CLCN2: variants seen among roughly 807,000 people sequenced by gnomAD.
The protein encoded by CLCN2 is chloride voltage-gated channel 2.
CLCN2 carries 72 observed loss-of-function variants against 108.3 expected under a neutral mutation model. The observed-to-expected ratio is 0.66, with a 90% CI of 0.55 to 0.81. The LOEUF is 0.81. CLCN2 is among the 30% of genes least tolerant of loss of function. The pLI, the probability that CLCN2 is intolerant of heterozygous loss-of-function variation, is 0.00. For missense variants in CLCN2, 1,048 were observed against 1,205.2 expected (o/e 0.87, Z 1.93); for synonymous variants, 471 against 467.1 (o/e 1.01, Z -0.11).
At position 184,358,239 on chromosome 3, in the gene CLCN2, C is replaced by T; in HGVS notation, c.424G>A (p.Val142Ile). 1.2e-6 allele frequency: 2 copies of T among 1,614,172 alleles called. No individual in the cohort carries two copies. Among genetic ancestry groups the T allele is most frequent in the Non-Finnish European group, 1.7e-6 (2 of 1,180,038 alleles). Residue 142 changes from valine to isoleucine, a missense_variant, in exon 4 of 24, where the codon GTT (valine) becomes ATT (isoleucine). Transcript: ENST00000265593. ...CCGGCTGAGAAAGTGATGAGGACAACAGGGTAGGTGACCCAGGCCAGGTAC... is the reference window on the plus strand; with the variant it reads ...CCGGCTGAGAAAGTGATGAGGACAATAGGGTAGGTGACCCAGGCCAGGTAC... ...LQYLAWVTYPVVLITFSAGFT... is the reference protein window; with the variant it reads ...LQYLAWVTYPIVLITFSAGFT...
At position 184,357,145 on chromosome 3, in the gene CLCN2, C is replaced by T. The variant is rs758438371; in HGVS notation, c.983+37G>A. On this transcript the variant is annotated intron_variant, in intron 9 of 23. Coordinates refer to ENST00000265593, the MANE Select transcript of CLCN2 (RefSeq NM_004366.6). ...GAAAAGGAGCCTTCTAGAAACCCCC[C>T]TCCTCTCTGATACCCCCAGCCCCCT... The T allele has an allele frequency of 5.6e-6, 9 of 1,610,760 alleles. No homozygotes were observed. The Admixed American group carries it at 8.4e-5, about 15-fold the overall frequency.
In CLCN2 at chr3:184,346,353, G is replaced by A. The variant is rs188995088; in HGVS notation, c.*253C>T. The stretch of plus-strand genomic sequence containing the variant: ...CTTTCCCCTCAAAGGGGGAGCAGGG[G>A]TCAAGTGACCCCAACCCATCCTGCC... On this transcript the variant is annotated 3_prime_UTR_variant, in exon 24 of 24. Transcript: ENST00000265593. This position sits in a 1 kb window ranked among gnomAD's most constrained non-coding sequence, Gnocchi z 6.0. 2.0e-4 allele frequency: 114 copies of A among 568,752 alleles called. No individual in the cohort carries two copies. Among genetic ancestry groups the A allele is most frequent in the Admixed American group, 3.0e-4 (10 of 33,410 alleles). 35.2% of individuals were successfully genotyped at this position (568,752 alleles called of 1,614,324 possible).
rs772906548 is a variant in CLCN2 at position 184,354,984 on chromosome 3, G to A, written c.1327-11C>T. ...TGCAGACATCCAGAACTGCAGGCAG[G>A]GGGTGGTTCAAAGGCGAAGAGGCTC... On this transcript the variant is annotated splice_polypyrimidine_tract_variant and intron_variant, in intron 12 of 23. Transcript: ENST00000265593. 4 of 1,613,784 alleles carry A rather than the reference G, an allele frequency of 2.5e-6. No homozygotes were observed. In the Admixed American group the frequency reaches 5.0e-5, roughly 20 times the overall value.
At chr3:184,354,027 G>T in intron 15 of CLCN2, 74 bp downstream of exon 15, 1 of 1,501,094 alleles carries the variant, frequency 6.7e-7, no homozygotes, top group Non-Finnish European at 9.2e-7. Flanking sequence ...GACCTTGCTA[G>T]AGGTGGCTGT....
chr3:184,349,240 A>G (rs1040655521), intron 22 of CLCN2: 5 of 152,116 alleles, frequency 3.3e-5, no homozygotes, highest in African/African-American at 1.2e-4. Flanking sequence ...CCTGGCCAAC[A>G]TGGTAAAACC....
chr3:184,348,848 C>A (rs1727889767), intron 22 of CLCN2: 1 of 152,218 alleles, frequency 6.6e-6, no homozygotes, highest in Admixed American at 6.5e-5. Flanking sequence ...CTTACCAATT[C>A]ACTTCCTAAA....
At chr3:184,351,338 C>G (rs73189617) in intron 22 of CLCN2, among the ~76,000 whole-genome samples, 30,426 of 152,198 alleles carry the variant, frequency 0.2, 3,945 homozygotes, top group Middle Eastern at 0.37. Flanking sequence ...GGCTGCCCCC[C>G]TTAGGAGTCC....
At chr3:184,350,728 C>T (rs960502623) in intron 22 of CLCN2, among the ~76,000 whole-genome samples, 6 of 152,134 alleles carry the variant, frequency 3.9e-5, no homozygotes, top group African/African-American at 7.2e-5. Context: ...TAAGCCACTG[C>T]GCCAGTTCTG....
rs150309424 is a variant in CLCN2 at position 184,357,370 on chromosome 3, C to T, written c.890G>A (p.Arg297Gln). The change falls in exon 8 of 24, where the codon CGG becomes CAG. Residue 297 changes from arginine to glutamine, a missense_variant. Physicochemically the swap from Arg to Gln is conservative, Grantham distance 43. Transcript: ENST00000265593. ...CCCCTGGGTGCCCCCACCTTCATCC[C>T]GGTTCCAGACTGCCAAGACCCGGAA... ...FIFRVLAVWN[R>Q]DEETITALFK... 1.1e-4 allele frequency: 185 copies of T among 1,613,964 alleles called. No homozygotes were observed. The highest frequency in any genetic ancestry group is 1.4e-4 in the Non-Finnish European group (171 of 1,180,028).
At chr3:184,356,612 C>G (rs896021290) in intron 10 of CLCN2, 1 of 226,422 alleles carries the variant, frequency 4.4e-6, no homozygotes, top group African/African-American at 2.4e-5. Context: ...GCACTCCAGC[C>G]TGGACAACAA....
intron 22 of CLCN2, among the ~76,000 whole-genome samples, chr3:184,349,816 G>C (rs1328842369): frequency 2.0e-5 from 3 of 152,166 alleles, no homozygotes; most frequent in Non-Finnish European, 2.9e-5. Flanking sequence ...GCAGAGTAAG[G>C]ATTTGGGTTC....
At chr3:184,356,381 C>T (rs1300933395) in intron 10 of CLCN2, 1 of 165,132 alleles carries the variant, frequency 6.1e-6, no homozygotes, top group Admixed American at 5.6e-5. Context: ...CAGTGGCTCA[C>T]GCCTGTAATC....
Position 184,354,552 on chromosome 3 carries a change from C to A in CLCN2, c.1503G>T (p.Val501=). Residue 501 remains valine, a synonymous_variant, in exon 14 of 24, where the codon GTG becomes GTT. Coordinates refer to ENST00000265593, the MANE Select transcript of CLCN2 (RefSeq NM_004366.6). ...GATGGGACCTGAGGCACTCACCGACCACAGCGTAGCCCCCAGGCACAATCC... is the reference window on the plus strand; with the variant it reads ...GATGGGACCTGAGGCACTCACCGACAACAGCGTAGCCCCCAGGCACAATCC... ...TYRIVPGGYA[V]VGAAALAGAV... is the part of the protein sequence containing the mutation. 1 of 1,612,728 alleles carries A rather than the reference C, an allele frequency of 6.2e-7. No homozygotes were observed. The highest frequency in any genetic ancestry group is 8.5e-7 in the Non-Finnish European group (1 of 1,179,636).
intron 22 of CLCN2, 186 bp from the exon 23 acceptor site, chr3:184,347,207 C>T: frequency 1.5e-6 from 1 of 658,466 alleles, no homozygotes; most frequent in South Asian, 1.6e-5. Context: ...GTTTCTGTGT[C>T]CAGGCCTCAG....
Position 184,361,489 on chromosome 3 carries a change from C to T in CLCN2, c.-10G>A. 6.2e-7 allele frequency: 1 copy of T among 1,610,886 alleles called. No homozygotes were observed. Among genetic ancestry groups the T allele is most frequent in the Non-Finnish European group, 8.5e-7 (1 of 1,179,848 alleles). ...CCGCCGCGGCCGCCATCTCCGCGCA[C>T]TGCCCTCTCGCCTCCCTCGGCGGTT... On this transcript the variant is annotated 5_prime_UTR_variant, in exon 1 of 24. In the 5' UTR this introduces an upstream ATG that the reference lacks. Transcript: ENST00000265593. The surrounding 1 kb of genome is among the most constrained non-coding windows in gnomAD (Gnocchi z 6.6).
rs1014150301 is a variant in CLCN2, at chr3:184,356,821, G to C, written c.1085+172C>G. 4.7e-6 allele frequency: 3 copies of C among 639,502 alleles called. No homozygotes were observed. The African/African-American group carries it at 5.5e-5, about 12-fold the overall frequency. 39.6% of individuals were successfully genotyped at this position (639,502 alleles called of 1,614,324 possible). A position where few individuals can be genotyped will look rare whatever the true frequency, so the allele number is the denominator to read the frequency against. On this transcript the variant is annotated intron_variant, in intron 10 of 23. Coordinates refer to ENST00000265593, the MANE Select transcript of CLCN2 (RefSeq NM_004366.6). ...ATAAACTTAAAAATGCCAATTTTCA[G>C]GTAATTCATATGAATATAAAAATGC...
chr3:184,359,205 T>G, intron 1 of CLCN2, 74 bp from the exon 2 acceptor site: 1 of 1,548,672 alleles, frequency 6.5e-7, no homozygotes, highest in Non-Finnish European at 8.9e-7. Context: ...TCTTAGAGCC[T>G]CCACTCCTCT....
Position 184,357,494 on chromosome 3 carries a change from G to C in CLCN2, c.773-7C>G, listed in dbSNP as rs531750356. ...TCGATGCTGAAGAGGACGCCTGTGA[G>C]GGGGAGGGAGACCAGCACTTGAGGC... On this transcript the variant is annotated splice_region_variant and splice_polypyrimidine_tract_variant and intron_variant, in intron 7 of 23. Coordinates refer to ENST00000265593, the MANE Select transcript of CLCN2 (RefSeq NM_004366.6). The C allele has an allele frequency of 2.0e-5, 33 of 1,614,050 alleles. No individual in the cohort carries two copies. The highest frequency in any genetic ancestry group is 5.5e-5 in the South Asian group (5 of 91,090).
intron 1 of CLCN2, among the ~76,000 whole-genome samples, 161 bp from the exon 2 acceptor site, chr3:184,359,292 A>G (rs1711672508): frequency 6.6e-6 from 1 of 152,208 alleles, no homozygotes; most frequent in Non-Finnish European, 1.5e-5. Context: ...AACAATGCAC[A>G]TTGCAGACTG....
Sources: allele counts gnomAD v4.1 joint callset (sites outside exome capture counted in the v4.1 genomes callset), GRCh38; gene constraint gnomAD v4.1.1; non-coding constraint Gnocchi (gnomAD v3.1); transcripts MANE v1.5; gene names NCBI Gene and HGNC (gene_info 2026-07-23, HGNC 2026-07-21).